The following RPRD1A variants were observed in gnomAD, a reference collection of about 807,000 sequenced individuals.
RPRD1A encodes the protein regulation of nuclear pre-mRNA domain-containing protein 1A.
In RPRD1A, 9 loss-of-function variants were observed where a neutral mutation model predicts 37.8. That is an observed-to-expected ratio of 0.24 (90% confidence interval 0.14 to 0.42). RPRD1A has a LOEUF of 0.42. Among genes scored for constraint, RPRD1A ranks in the 10% least tolerant of loss-of-function variants. RPRD1A has a pLI of 1.00. For synonymous variants in RPRD1A, 138 were observed against 139.7 expected (o/e 0.99, Z 0.08); for missense variants, 255 against 371.0 (o/e 0.69, Z 2.57).
chr18:36,066,853 C>A (rs545725098), intron 1 of RPRD1A, among the ~76,000 whole-genome samples: 4 of 152,302 alleles, frequency 2.6e-5, no homozygotes, highest in Non-Finnish European at 5.9e-5. Flanking sequence ...TGCTGCGTTA[C>A]AGAAATGACG....
chr18:36,067,550 C>A lies in RPRD1A; in HGVS notation c.-146G>T. 1 of 759,348 alleles carries A rather than the reference C, an allele frequency of 1.3e-6. No homozygotes were observed. Among genetic ancestry groups the A allele is most frequent in the Non-Finnish European group, 2.0e-6 (1 of 499,036 alleles). 47.0% of individuals were successfully genotyped at this position (759,348 alleles called of 1,614,324 possible). A position where few individuals can be genotyped will look rare whatever the true frequency, so the allele number is the denominator to read the frequency against. On this transcript the variant is annotated 5_prime_UTR_variant, in exon 1 of 7. Coordinates refer to ENST00000399022, the MANE Select transcript of RPRD1A (RefSeq NM_018170.5). ...CGCTTCATCCAAGACCGGCCGCAAA[C>A]CAGCAAGATGGCGTCCGGCCGGCAG...
intron 1 of RPRD1A, among the ~76,000 whole-genome samples, chr18:36,044,674 CGA>C (rs1392964148): frequency 3.3e-5 from 5 of 151,526 alleles, no homozygotes; most frequent in African/African-American, 9.7e-5. Context: ...GACGACAGAG[CGA>C]GACTCAGTAT....
At chr18:36,056,079 A>G (rs1853546423) in intron 1 of RPRD1A, among the ~76,000 whole-genome samples, 1 of 152,214 alleles carries the variant, frequency 6.6e-6, no homozygotes, top group South Asian at 2.1e-4. Context: ...AAAAATTTTA[A>G]TAGAAAAAAC....
Position 36,046,258 on chromosome 18 carries a change from G to C in RPRD1A, c.152-12421C>G, listed in dbSNP as rs973006489. ...TAATGAGCCCAACATCCCTACCAGA[G>C]CAGTGTCAGAGAAAGCAAAGTAGGG... is the stretch of plus-strand genomic sequence containing the variant. On this transcript the variant is annotated intron_variant, in intron 1 of 6. Coordinates refer to ENST00000399022, the MANE Select transcript of RPRD1A (RefSeq NM_018170.5). 8.5e-4 allele frequency among the ~76,000 whole-genome samples: 130 copies of C among 152,172 alleles called. 1 individual carries two copies. The highest frequency in any genetic ancestry group is 1.2e-3 in the Non-Finnish European group (80 of 68,020).
chr18:36,036,889 A>G (rs1419818141), intron 1 of RPRD1A, among the ~76,000 whole-genome samples: 1 of 152,254 alleles, frequency 6.6e-6, no homozygotes, highest in Admixed American at 6.5e-5. Flanking sequence ...ACTAAGTGAC[A>G]GGTCTGACTT....
chr18:36,030,865 T>A lies in RPRD1A; in HGVS notation c.429A>T (p.Ile143=). ...KKPRKRTYEQ[I]KVDENENCSS... Reference sequence around the variant, plus strand: ...AACAGTTTTCATTTTCATCCACCTTTATCTGTTCATAAGTTCGCTTCCTAG... The same window carrying A: ...AACAGTTTTCATTTTCATCCACCTTAATCTGTTCATAAGTTCGCTTCCTAG... Residue 143 remains isoleucine, a synonymous_variant, in exon 4 of 7, where the codon ATA becomes ATT. Transcript: ENST00000399022. 6.2e-7 allele frequency: 1 copy of A among 1,613,584 alleles called. No homozygotes were observed. Among genetic ancestry groups the A allele is most frequent in the Non-Finnish European group, 8.5e-7 (1 of 1,179,682 alleles).
chr18:36,029,334 G>C (rs1356828851), intron 4 of RPRD1A, among the ~76,000 whole-genome samples: 1 of 152,124 alleles, frequency 6.6e-6, no homozygotes, highest in Non-Finnish European at 1.5e-5. Context: ...TTTGGAACCA[G>C]TCCTCTAACT....
intron 6 of RPRD1A, among the ~76,000 whole-genome samples, chr18:36,019,777 C>T (rs979121257): frequency 5.3e-5 from 8 of 152,152 alleles, no homozygotes; most frequent in African/African-American, 1.2e-4. Context: ...TGGTGGCTCA[C>T]GCCTGTAATC....
At chr18:36,052,006 AAACCCACACT>A (rs1310407858) in intron 1 of RPRD1A, among the ~76,000 whole-genome samples, 2 of 152,162 alleles carry the variant, frequency 1.3e-5, no homozygotes, top group Non-Finnish European at 2.9e-5. Context: ...AGATAAACTC[AAACCCACACT>A]AAGACACATT....
intron 6 of RPRD1A, among the ~76,000 whole-genome samples, chr18:36,013,862 T>TA (rs1910327191): frequency 6.6e-6 from 1 of 152,164 alleles, no homozygotes; most frequent in Non-Finnish European, 1.5e-5. Flanking sequence ...TAAAATTTCT[T>TA]AAACACCAAC....
At chr18:36,046,381 C>CA (rs1228133066) in intron 1 of RPRD1A, among the ~76,000 whole-genome samples, 1 of 152,164 alleles carries the variant, frequency 6.6e-6, no homozygotes, top group East Asian at 1.9e-4. Context: ...CACCATGGTA[C>CA]AGCAATAATG....
At chr18:36,019,517 C>A (rs561454838) in intron 6 of RPRD1A, among the ~76,000 whole-genome samples, 1 of 152,202 alleles carries the variant, frequency 6.6e-6, no homozygotes, top group South Asian at 2.1e-4. Context: ...ATCTTATAAG[C>A]CAGGTAGTAC....
chr18:36,064,615 G>A (rs1598681025), intron 1 of RPRD1A, among the ~76,000 whole-genome samples: 1 of 152,126 alleles, frequency 6.6e-6, no homozygotes, highest in Admixed American at 6.5e-5. Flanking sequence ...CTCGCTAAAG[G>A]ATCATAAAAC....
intron 6 of RPRD1A, among the ~76,000 whole-genome samples, chr18:36,012,433 T>C (rs1180393043): frequency 3.3e-5 from 5 of 152,218 alleles, no homozygotes; most frequent in African/African-American, 1.2e-4. Flanking sequence ...TCAAGAGGTA[T>C]ACCAGAAGGC....
At chr18:36,017,821 G>T (rs145322216) in intron 6 of RPRD1A, among the ~76,000 whole-genome samples, 37 of 152,210 alleles carry the variant, frequency 2.4e-4, no homozygotes, top group African/African-American at 8.9e-4. Flanking sequence ...AATGAACACT[G>T]GCTTAAGGAC....
intron 4 of RPRD1A, chr18:36,027,529 T>C: frequency 2.2e-6 from 1 of 455,064 alleles, no homozygotes; most frequent in Non-Finnish European, 3.9e-6. Context: ...CCCTAGACCT[T>C]GAAGAGAGCT....
chr18:36,057,051 C>A (rs796471673), intron 1 of RPRD1A, among the ~76,000 whole-genome samples: 1,659 of 44,564 alleles, frequency 0.037, 41 homozygotes, highest in African/African-American at 0.091. Context: ...CCTGTTTCTA[C>A]AAAAAAAAAA....
chr18:36,044,149 A>G (rs2144349318), intron 1 of RPRD1A, among the ~76,000 whole-genome samples: 1 of 152,214 alleles, frequency 6.6e-6, no homozygotes, highest in African/African-American at 2.4e-5. Context: ...AAGGAGGAAG[A>G]GGGGGAAGAG....
chr18:35,995,821 A>G (rs954367502), intron 6 of RPRD1A, among the ~76,000 whole-genome samples: 1 of 152,246 alleles, frequency 6.6e-6, no homozygotes, highest in African/African-American at 2.4e-5. Context: ...TCAGGTTGAC[A>G]GTATTTCCTT....
Sources: allele counts gnomAD v4.1 joint callset (sites outside exome capture counted in the v4.1 genomes callset), GRCh38; gene constraint gnomAD v4.1.1; transcripts MANE v1.5; gene names NCBI Gene and HGNC (gene_info 2026-07-23, HGNC 2026-07-21).